Variants in PPP2R2C observed in about 807,000 individuals in gnomAD.
PPP2R2C encodes protein phosphatase 2, regulatory subunit B, gamma.
PPP2R2C carries 10 observed loss-of-function variants against 45.3 expected under a neutral mutation model. That is an observed-to-expected ratio of 0.22 (90% CI 0.14 to 0.37). The LOEUF is 0.37. Among genes scored for constraint, PPP2R2C ranks in the 10% least tolerant of loss-of-function variants. The probability of loss-of-function intolerance (pLI) is 1.00; values close to 1 mark genes in which losing one functional copy is unlikely to be tolerated. For missense variants in PPP2R2C, 308 were observed against 619.7 expected, an observed-to-expected ratio of 0.50 and a Z score of 5.34; for synonymous variants, 257 against 245.4, an observed-to-expected ratio of 1.05 and a Z score of -0.44.
At chr4:6,501,241 G>T (rs995248337) in intron 2 of PPP2R2C, among the ~76,000 whole-genome samples, 2 of 152,142 alleles carry the variant, frequency 1.3e-5, no homozygotes, top group African/African-American at 4.8e-5. Context: ...GCAGACACTG[G>T]AAACAGATGA....
At chr4:6,434,741 C>CT in intron 1 of PPP2R2C, among the ~76,000 whole-genome samples, 1 of 152,166 alleles carries the variant, frequency 6.6e-6, no homozygotes, top group Non-Finnish European at 1.5e-5. Context: ...TCCCTCATAC[C>CT]TGCACCATCA....
At chr4:6,347,809 AAT>A in intron 6 of PPP2R2C, 35 bp downstream of exon 6, 5 of 393,274 alleles carry the variant, frequency 1.3e-5, no homozygotes, top group East Asian at 7.2e-5. Flanking sequence ...CCGCCTGCCC[AAT>A]GCACAGCCCC....
chr4:6,525,186 T>C (rs1279156567), intron 2 of PPP2R2C, among the ~76,000 whole-genome samples: 6 of 152,038 alleles, frequency 3.9e-5, no homozygotes, highest in African/African-American at 1.4e-4. Flanking sequence ...GGTTGGATCA[T>C]CTGAGGTCAG....
chr4:6,323,569 G>A lies in PPP2R2C; in HGVS notation c.1077C>T (p.Asn359=), dbSNP rs1214425329. Residue 359 remains asparagine, a synonymous_variant, in exon 9 of 9, where the codon AAC becomes AAT. Coordinates refer to ENST00000382599, the MANE Select transcript of PPP2R2C (RefSeq NM_020416.4). ...SDSVIMTGAY[N]NFFRMFDRNT... is the part of the protein sequence containing the mutation. ...TCCGATCGAACATGCGGAAGAAGTT[G>A]TTGTAGGCCCCGGTCATGATGACGC... 6.4e-7 allele frequency: 1 copy of A among 1,572,394 alleles called. No homozygotes were observed. The highest frequency in any genetic ancestry group is 8.7e-7 in the Non-Finnish European group (1 of 1,151,278).
chr4:6,543,240 C>T (rs1319507164), intron 1 of PPP2R2C, among the ~76,000 whole-genome samples: 4 of 152,194 alleles, frequency 2.6e-5, no homozygotes, highest in Non-Finnish European at 4.4e-5. Context: ...GACTACAACT[C>T]GGCTCAGCTC....
At chr4:6,511,495 A>G (rs1462606102) in intron 2 of PPP2R2C, among the ~76,000 whole-genome samples, 43 of 22,044 alleles carry the variant, frequency 2.0e-3, no homozygotes, top group African/African-American at 5.5e-3. Context: ...GTTGGTGGTG[A>G]TGGCGGTGAT....
chr4:6,417,085 C>T (rs1009278898), intron 1 of PPP2R2C, among the ~76,000 whole-genome samples: 8 of 152,242 alleles, frequency 5.3e-5, no homozygotes, highest in Non-Finnish European at 1.0e-4. Flanking sequence ...CCTGCAGCAC[C>T]GGCAGCTGGG....
intron 1 of PPP2R2C, among the ~76,000 whole-genome samples, chr4:6,392,903 C>A (rs1398580642): frequency 1.3e-5 from 2 of 152,190 alleles, no homozygotes; most frequent in Non-Finnish European, 2.9e-5. Flanking sequence ...CAGACCCTCA[C>A]TGGGCAGGCA....
Position 6,379,368 on chromosome 4 carries a change from G to A in PPP2R2C, c.169-796C>T, listed in dbSNP as rs146682347. Among the ~76,000 whole-genome samples the A allele has an allele frequency of 2.9e-3, 448 of 152,248 alleles. 2 individuals are homozygous for A. The highest frequency in any genetic ancestry group is 4.6e-3 in the Non-Finnish European group (311 of 68,016). On this transcript the variant is annotated intron_variant, in intron 2 of 8. Transcript: ENST00000382599. ...CACGAAACCCCAACCAGGGAGAAAC[G>A]GAGACATTCAACCCAGAACAATTTC...
At chr4:6,413,907 GTC>G in intron 1 of PPP2R2C, 3 of 1,536,060 alleles carry the variant, frequency 2.0e-6, no homozygotes. Context: ...GCTCACCCGT[GTC>G]TCTCTTTCCC....
intron 5 of PPP2R2C, chr4:6,349,896 AG>A: frequency 2.0e-6 from 2 of 985,026 alleles, no homozygotes; most frequent in Non-Finnish European, 2.4e-6. Flanking sequence ...TCAAAAAAAA[AG>A]CAAGCAAGCA....
At chr4:6,428,358 G>A (rs1199787429) in intron 1 of PPP2R2C, among the ~76,000 whole-genome samples, 1 of 152,218 alleles carries the variant, frequency 6.6e-6, no homozygotes, top group Non-Finnish European at 1.5e-5. Context: ...AGAAGCCAGG[G>A]CAGGGCAAGC....
At chr4:6,513,421 G>A (rs1368180363) in intron 2 of PPP2R2C, among the ~76,000 whole-genome samples, 2 of 152,156 alleles carry the variant, frequency 1.3e-5, no homozygotes, top group Admixed American at 6.5e-5. Flanking sequence ...TGTGTCTGGG[G>A]AGCCCCAGAG....
At chr4:6,355,558 A>C (rs1189821336) in intron 5 of PPP2R2C, among the ~76,000 whole-genome samples, 2 of 151,874 alleles carry the variant, frequency 1.3e-5, no homozygotes, top group Non-Finnish European at 2.9e-5. Context: ...GCACAAAAAA[A>C]AAAAAAAAAG....
intron 5 of PPP2R2C, among the ~76,000 whole-genome samples, chr4:6,371,465 G>A (rs933631608): frequency 1.3e-5 from 2 of 152,232 alleles, no homozygotes; most frequent in African/African-American, 2.4e-5. Context: ...CCACTGCTGG[G>A]TGCCCAGGCT....
In PPP2R2C at chr4:6,328,033, G is replaced by GA. The variant is rs1467013667; in HGVS notation, c.1052+1228dup. Reference sequence around the variant, plus strand: ...TCCCAGCCCTATGCCCAGAGCCACAGAGAGTCATAGTGCGGCAGCTCTCAC... The same window carrying GA: ...TCCCAGCCCTATGCCCAGAGCCACAGAAGAGTCATAGTGCGGCAGCTCTCAC... On this transcript the variant is annotated intron_variant, in intron 8 of 8. Transcript: ENST00000382599. This position sits in a 1 kb window ranked among gnomAD's most constrained non-coding sequence, Gnocchi z 4.4. Among the ~76,000 whole-genome samples, 3 of 152,274 alleles carry GA rather than the reference G, an allele frequency of 2.0e-5. No individual in the cohort carries two copies. Among genetic ancestry groups the GA allele is most frequent in the South Asian group, 4.2e-4 (2 of 4,812 alleles).
chr4:6,333,862 G>T (rs1019204482), intron 6 of PPP2R2C, 131 bp from the exon 7 acceptor site: 2 of 965,128 alleles, frequency 2.1e-6, no homozygotes, highest in African/African-American at 3.2e-5. Context: ...CTCAAACCTA[G>T]AACTAAACAC....
Position 6,323,432 on chromosome 4 carries a change from C to A in PPP2R2C, c.1214G>T (p.Ser405Ile). 6.2e-7 allele frequency: 1 copy of A among 1,613,840 alleles called. No individual in the cohort carries two copies. Among genetic ancestry groups the A allele is most frequent in the East Asian group, 2.2e-5 (1 of 44,866 alleles). Residue 405 changes from serine (S) to isoleucine (I), a missense_variant, in exon 9 of 9, where the codon AGT (serine) becomes ATT (isoleucine). Ser to Ile is a moderately radical substitution (Grantham distance 142, BLOSUM62 -2). Transcript: ENST00000382599. ...CTTGGTGAAGTCCAAGCTGTCCACACTGATGTCATCACGCCGGCGCTTGCC... is the reference window on the plus strand; with the variant it reads ...CTTGGTGAAGTCCAAGCTGTCCACAATGATGTCATCACGCCGGCGCTTGCC... ...VGGKRRRDDI[S>I]VDSLDFTKKI... is the part of the protein sequence containing the mutation.
At chr4:6,433,990 C>G (rs889699251) in intron 1 of PPP2R2C, among the ~76,000 whole-genome samples, 1 of 152,200 alleles carries the variant, frequency 6.6e-6, no homozygotes, top group Non-Finnish European at 1.5e-5. Context: ...GGCCCTTCTC[C>G]CACTCACTCA....
Sources: allele counts gnomAD v4.1 joint callset (sites outside exome capture counted in the v4.1 genomes callset), GRCh38; gene constraint gnomAD v4.1.1; non-coding constraint Gnocchi (gnomAD v3.1); transcripts MANE v1.5; gene names NCBI Gene and HGNC (gene_info 2026-07-23, HGNC 2026-07-21).